The following ZFHX3 variants were observed in gnomAD, a reference collection of about 807,000 sequenced individuals.
ZFHX3 encodes zinc finger homeobox 3, also known as zinc finger homeobox protein 3.
Under a neutral mutation model 279.1 loss-of-function variants are expected in ZFHX3, and 42 were observed. The ratio of observed to expected loss-of-function variants is 0.15; its 90% CI spans 0.12 to 0.19. ZFHX3 has a LOEUF of 0.19. Ranked by LOEUF, ZFHX3 falls within the 10% of genes least tolerant of loss-of-function variation. The probability of loss-of-function intolerance (pLI) is 1.00; values close to 1 mark genes in which losing one functional copy is unlikely to be tolerated. For missense variants in ZFHX3, 4,981 were observed against 4,754.0 expected (o/e 1.05, Z -1.40); for synonymous variants, 2,293 against 1,957.8 (o/e 1.17, Z -4.52).
chr16:73,805,029 G>T (rs1960241716), intron 1 of ZFHX3, among the ~76,000 whole-genome samples: 1 of 151,590 alleles, frequency 6.6e-6, no homozygotes, highest in Middle Eastern at 3.4e-3. Context: ...CAATTCTTAA[G>T]CGAGTATACT....
chr16:73,436,348 G>C (rs906119707), intron 3 of ZFHX3, among the ~76,000 whole-genome samples: 3 of 152,172 alleles, frequency 2.0e-5, no homozygotes, highest in African/African-American at 2.4e-5. Context: ...AAGGGACTCA[G>C]AGTTCCATGT....
At chr16:73,300,599 G>A (rs1025415860) in intron 4 of ZFHX3, among the ~76,000 whole-genome samples, 1 of 152,178 alleles carries the variant, frequency 6.6e-6, no homozygotes, top group African/African-American at 2.4e-5. Flanking sequence ...TGCTCCCCAG[G>A]TTCAGGTGAT....
intron 3 of ZFHX3, among the ~76,000 whole-genome samples, chr16:73,349,276 T>G (rs904652226): frequency 6.6e-6 from 1 of 152,138 alleles, no homozygotes; most frequent in African/African-American, 2.4e-5. Context: ...TCACACACCA[T>G]CCTCACACCC....
intron 3 of ZFHX3, among the ~76,000 whole-genome samples, chr16:73,410,342 G>C (rs770174656): frequency 2.0e-5 from 3 of 152,162 alleles, no homozygotes; most frequent in African/African-American, 4.8e-5. Context: ...CTTGAACCCG[G>C]GAGGCAGAGG....
chr16:73,624,825 G>T (rs1326636028), intron 2 of ZFHX3, among the ~76,000 whole-genome samples: 1 of 152,168 alleles, frequency 6.6e-6, no homozygotes, highest in Non-Finnish European at 1.5e-5. Flanking sequence ...ACTCCAGGTA[G>T]TGAGGCCAGA....
chr16:72,887,069 C>A (rs956874832), intron 4 of ZFHX3, among the ~76,000 whole-genome samples: 3 of 152,198 alleles, frequency 2.0e-5, no homozygotes, highest in African/African-American at 7.2e-5. Context: ...ACTGTCGAAA[C>A]CTCAACCACT....
chr16:72,960,735 T>C (rs1383643856), intron 1 of ZFHX3, among the ~76,000 whole-genome samples: 1 of 152,112 alleles, frequency 6.6e-6, no homozygotes, highest in Non-Finnish European at 1.5e-5. Context: ...TTTAGAACAA[T>C]TGCAGCCGTC....
In ZFHX3 at chr16:73,514,603, C is replaced by T. The variant is rs1219079920; in HGVS notation, c.-1546-58345G>A. ...AAAAGAACCTGTGCACCTATCATCT[C>T]ATGTAACCATCATAACTCTTTGAGA... On this transcript the variant is annotated intron_variant, in intron 2 of 17. Transcript: ENST00000641206. Among the ~76,000 whole-genome samples, 4 of 152,308 alleles carry T rather than the reference C, an allele frequency of 2.6e-5. No individual in the cohort carries two copies. In the East Asian group the frequency reaches 7.7e-4, roughly 29 times the overall value.
In ZFHX3 at chr16:72,796,901, A is replaced by C; in HGVS notation, c.5781T>G (p.Ser1927=). 1.9e-6 allele frequency: 3 copies of C among 1,613,928 alleles called. No individual in the cohort carries two copies. The highest frequency in any genetic ancestry group is 2.5e-6 in the Non-Finnish European group (3 of 1,179,990). ...TGCGTGGAGGGAGCATGGAAGGCTC[A>C]GAACCACCCCCTGGTGCCAACTCTT... ...EKKELAPGGG[S]EPSMLPPRIA... Residue 1927 remains serine, a synonymous_variant, in exon 9 of 10, where the codon TCT becomes TCG. Transcript: ENST00000268489.
At chr16:73,248,923 T>C (rs1460203540) in intron 5 of ZFHX3, among the ~76,000 whole-genome samples, 1 of 152,178 alleles carries the variant, frequency 6.6e-6, no homozygotes. Flanking sequence ...CAGTCTGTGG[T>C]CCAAATCTAT....
rs1024415992 is a variant in ZFHX3 at position 73,279,535 on chromosome 16, C to G, written c.-1193-22399G>C. On this transcript the variant is annotated intron_variant, in intron 4 of 17. Coordinates refer to the ZFHX3 transcript ENST00000641206. ...CCAATGGAAATTGCTAGTAGACTCT[C>G]TAAGGTGTCAAGTACTGAGTGATTC... 1.4e-4 allele frequency among the ~76,000 whole-genome samples: 22 copies of G among 152,228 alleles called. 1 individual carries two copies. Among genetic ancestry groups the G allele is most frequent in the Admixed American group, 1.4e-3 (22 of 15,290 alleles).
At chr16:73,452,822 A>G (rs531468146) in intron 3 of ZFHX3, among the ~76,000 whole-genome samples, 49 of 152,346 alleles carry the variant, frequency 3.2e-4, no homozygotes, top group African/African-American at 1.1e-3. Context: ...AGTTATTACA[A>G]AGTGCTGCCT....
At chr16:73,780,219 C>G (rs1271314029) in intron 1 of ZFHX3, among the ~76,000 whole-genome samples, 1 of 134,582 alleles carries the variant, frequency 7.4e-6, no homozygotes, top group Non-Finnish European at 1.5e-5. Flanking sequence ...GCGATCTTGG[C>G]TCACTGCAAC....
intron 6 of ZFHX3, among the ~76,000 whole-genome samples, chr16:73,142,163 C>T (rs1244059657): frequency 1.3e-5 from 2 of 152,170 alleles, no homozygotes; most frequent in Non-Finnish European, 1.5e-5. Flanking sequence ...TTCCTCTTAA[C>T]CAGCTGAGTG....
chr16:73,459,340 G>A (rs2018431137), intron 2 of ZFHX3, among the ~76,000 whole-genome samples: 1 of 152,094 alleles, frequency 6.6e-6, no homozygotes, highest in South Asian at 2.1e-4. Flanking sequence ...AATTTATAAA[G>A]GAAAGAGGTT....
At chr16:73,703,300 T>C (rs1273947317) in intron 1 of ZFHX3, among the ~76,000 whole-genome samples, 2 of 152,122 alleles carry the variant, frequency 1.3e-5, no homozygotes, top group Non-Finnish European at 2.9e-5. Flanking sequence ...TGTCTCATTA[T>C]GGACAGAAAG....
At chr16:72,945,488 C>G (rs1250107088) in intron 3 of ZFHX3, among the ~76,000 whole-genome samples, 2 of 152,120 alleles carry the variant, frequency 1.3e-5, no homozygotes, top group African/African-American at 4.8e-5. Context: ...AAATGAACCG[C>G]AGGCCTCCAG....
intron 1 of ZFHX3, among the ~76,000 whole-genome samples, chr16:73,841,792 G>T (rs1961315255): frequency 6.6e-6 from 1 of 152,194 alleles, no homozygotes; most frequent in Middle Eastern, 3.2e-3. Context: ...ATGATACTCA[G>T]CAGAGTGGAG....
chr16:73,018,106 C>T (rs1964168787), intron 1 of ZFHX3, among the ~76,000 whole-genome samples: 1 of 151,922 alleles, frequency 6.6e-6, no homozygotes, highest in Non-Finnish European at 1.5e-5. Flanking sequence ...CCGCCTTAGC[C>T]TCTTGAGTAG....
Sources: gnomAD v4.1 joint callset for allele counts (sites outside exome capture counted in the v4.1 genomes callset) on GRCh38, gnomAD v4.1.1 for gene constraint, MANE v1.5 for transcripts, NCBI Gene and HGNC (gene_info 2026-07-23, HGNC 2026-07-21) for gene names.